Variants in AKT3 observed in about 807,000 individuals in gnomAD.
AKT3 encodes the protein RAC-gamma serine/threonine-protein kinase.
AKT3 carries 15 observed loss-of-function variants against 65.3 expected under a neutral mutation model. The ratio of observed to expected loss-of-function variants is 0.23; its 90% CI spans 0.15 to 0.35. The LOEUF (loss-of-function observed/expected upper bound fraction) is 0.35, where lower values mean the gene tolerates loss of function less well. Among genes scored for constraint, AKT3 ranks in the 10% least tolerant of loss-of-function variants. AKT3 has a pLI of 1.00. For missense variants in AKT3, 243 were observed against 576.5 expected (o/e 0.42, Z 5.92); for synonymous variants, 206 against 183.8 (o/e 1.12, Z -0.98).
At chr1:243,657,695 T>C (rs1178920334) in intron 4 of AKT3, among the ~76,000 whole-genome samples, 2 of 152,086 alleles carry the variant, frequency 1.3e-5, no homozygotes, top group East Asian at 3.9e-4. Flanking sequence ...GAAACAATCT[T>C]GAGAAAGCAA....
intron 2 of AKT3, among the ~76,000 whole-genome samples, chr1:243,758,455 A>G (rs1255943923): frequency 6.6e-6 from 1 of 152,214 alleles, no homozygotes; most frequent in Admixed American, 6.5e-5. Flanking sequence ...TTCCAGGAAG[A>G]CAAAAAAGCT....
intron 13 of AKT3, among the ~76,000 whole-genome samples, chr1:243,507,244 C>T (rs879471547): frequency 3.3e-5 from 5 of 152,176 alleles, no homozygotes; most frequent in African/African-American, 4.8e-5. Context: ...GCCAGATGCT[C>T]AACAGGGGCA....
intron 13 of AKT3, among the ~76,000 whole-genome samples, chr1:243,491,788 A>G (rs1666478944): frequency 6.6e-6 from 1 of 152,102 alleles, no homozygotes; most frequent in African/African-American, 2.4e-5. Context: ...GTTTTCCTGG[A>G]GTGGCCTGTG....
rs1183676529 is a variant in AKT3, at chr1:243,500,514, G to A, written c.*4735C>T. 8.8e-6 allele frequency: 2 copies of A among 226,230 alleles called. No homozygotes were observed. Among genetic ancestry groups the A allele is most frequent in the South Asian group, 1.8e-4 (1 of 5,458 alleles). The allele number at this position is 226,230 out of a possible 1,614,324, so 14.0% of individuals were successfully genotyped here. On this transcript the variant is annotated 3_prime_UTR_variant, in exon 14 of 14. Transcript: ENST00000673466. ...AATATCTGTACACAGATAATTATTT[G>A]TCTAAAATAGTATTTCTACTATACA...
intron 3 of AKT3, among the ~76,000 whole-genome samples, chr1:243,681,274 C>T (rs4478795): frequency 0.2 from 29,988 of 152,012 alleles, 3,267 homozygotes; most frequent in East Asian, 0.3. Context: ...AAATACGAGG[C>T]AGAAGGTACT....
chr1:243,590,850 G>T (rs1490806496), intron 8 of AKT3, among the ~76,000 whole-genome samples: 1 of 151,958 alleles, frequency 6.6e-6, no homozygotes, highest in Admixed American at 6.6e-5. Flanking sequence ...AAAAAGAATG[G>T]CTGAAATTTT....
intron 2 of AKT3, among the ~76,000 whole-genome samples, chr1:243,809,257 A>G (rs1692962946): frequency 6.6e-6 from 1 of 152,190 alleles, no homozygotes; most frequent in African/African-American, 2.4e-5. Context: ...AACAGTCAAG[A>G]CCCATCAGTG....
At chr1:243,675,925 T>C (rs536116679) in intron 3 of AKT3, among the ~76,000 whole-genome samples, 1 of 152,160 alleles carries the variant, frequency 6.6e-6, no homozygotes, top group East Asian at 1.9e-4. Context: ...TTTTTTCCCA[T>C]AGTAAATCTA....
chr1:243,773,151 C>T (rs578106658), intron 2 of AKT3, among the ~76,000 whole-genome samples: 11 of 150,134 alleles, frequency 7.3e-5, no homozygotes, highest in Middle Eastern at 3.5e-3. Context: ...CAAACCTGCA[C>T]GTTGTGCACA....
intron 11 of AKT3, chr1:243,546,660 G>A (rs1192000286): frequency 1.3e-5 from 2 of 151,894 alleles, no homozygotes; most frequent in Non-Finnish European, 2.9e-5. Flanking sequence ...CAGCCATGGA[G>A]CTGCTGGGAC....
intron 2 of AKT3, among the ~76,000 whole-genome samples, chr1:243,816,526 T>TA (rs1275759147): frequency 6.6e-6 from 1 of 152,146 alleles, no homozygotes; most frequent in Non-Finnish European, 1.5e-5. Context: ...GAAAAATTTT[T>TA]AAATAGATTA....
At chr1:243,565,735 T>TC (rs1674109895) in intron 9 of AKT3, among the ~76,000 whole-genome samples, 1 of 152,178 alleles carries the variant, frequency 6.6e-6, no homozygotes, top group African/African-American at 2.4e-5. Flanking sequence ...CTCTCTTTTT[T>TC]CCACCTCTTT....
chr1:243,794,546 T>C (rs527416957), intron 2 of AKT3: 1 of 152,226 alleles, frequency 6.6e-6, no homozygotes, highest in South Asian at 2.1e-4. Context: ...GTTATTCATA[T>C]TTTCTTTTAT....
chr1:243,644,323 T>C (rs1680647375), intron 5 of AKT3, among the ~76,000 whole-genome samples: 1 of 152,162 alleles, frequency 6.6e-6, no homozygotes, highest in Non-Finnish European at 1.5e-5. Flanking sequence ...ATAATAAAGC[T>C]TGTAAATTCT....
chr1:243,783,300 C>T (rs755752563), intron 2 of AKT3, among the ~76,000 whole-genome samples: 8 of 152,186 alleles, frequency 5.3e-5, no homozygotes, highest in South Asian at 2.1e-4. Context: ...AGTTGATCAT[C>T]GATGGCCAAT....
chr1:243,489,106 G>A lies in AKT3; in HGVS notation c.*7-656C>T, dbSNP rs1205844381. The stretch of plus-strand genomic sequence containing the variant: ...AACCAGCTTCTCCTGGAGAGGCAGA[G>A]CCTGTCGGAAGAGGTGGACCGGCTG... On this transcript the variant is annotated intron_variant, in intron 13 of 13. Coordinates refer to the AKT3 transcript ENST00000336199. The A allele has an allele frequency of 6.2e-7, 1 of 1,613,010 alleles. No individual in the cohort carries two copies. The highest frequency in any genetic ancestry group is 1.3e-5 in the African/African-American group (1 of 74,950).
At chr1:243,752,546 T>C (rs982602606) in intron 2 of AKT3, among the ~76,000 whole-genome samples, 2 of 152,232 alleles carry the variant, frequency 1.3e-5, no homozygotes, top group African/African-American at 4.8e-5. Context: ...CCAAATTTAA[T>C]TTTCTAAAAC....
intron 13 of AKT3, 137 bp from the exon 14 acceptor site, chr1:243,505,471 A>C (rs1669607289): frequency 3.0e-6 from 2 of 656,254 alleles, no homozygotes; most frequent in Non-Finnish European, 5.3e-6. Context: ...TTCATCAATA[A>C]GCTGTAGAGT....
intron 6 of AKT3, among the ~76,000 whole-genome samples, chr1:243,629,914 G>A (rs1027542804): frequency 2.6e-5 from 4 of 152,150 alleles, no homozygotes; most frequent in African/African-American, 7.2e-5. Context: ...CATCCTGTCT[G>A]CCAGAAAGGG....
Sources: allele counts gnomAD v4.1 joint callset (sites outside exome capture counted in the v4.1 genomes callset), GRCh38; gene constraint gnomAD v4.1.1; transcripts MANE v1.5; gene names NCBI Gene and HGNC (gene_info 2026-07-23, HGNC 2026-07-21).